Variants in NAV2 observed in about 807,000 individuals in gnomAD.
The protein encoded by NAV2 is helicase, APC down-regulated 1.
NAV2 carries 54 observed loss-of-function variants against 223.2 expected under a neutral mutation model. The ratio of observed to expected loss-of-function variants is 0.24; its 90% CI spans 0.19 to 0.30. The LOEUF (loss-of-function observed/expected upper bound fraction) is 0.30. Among genes scored for constraint, NAV2 ranks in the 10% least tolerant of loss-of-function variants. The probability of loss-of-function intolerance (pLI) is 1.00; values close to 1 mark genes in which losing one functional copy is unlikely to be tolerated. For missense variants in NAV2, 2,806 were observed against 3,147.5 expected, an observed-to-expected ratio of 0.89 and a Z score of 2.60; for synonymous variants, 1,279 against 1,239.3, an observed-to-expected ratio of 1.03 and a Z score of -0.67.
intron 1 of NAV2, among the ~76,000 whole-genome samples, chr11:19,417,224 T>C (rs1295746278): frequency 2.0e-5 from 3 of 152,152 alleles, no homozygotes; most frequent in Non-Finnish European, 4.4e-5. Flanking sequence ...GTCCAGAATC[T>C]ATAAGGAACT....
intron 10 of NAV2, among the ~76,000 whole-genome samples, chr11:19,967,117 T>A (rs1027218866): frequency 1.3e-5 from 2 of 152,164 alleles, no homozygotes; most frequent in Admixed American, 1.3e-4. Context: ...AAACTGAGGA[T>A]GACAGAAGTC....
intron 1 of NAV2, among the ~76,000 whole-genome samples, chr11:19,536,342 C>T (rs2134477374): frequency 6.6e-6 from 1 of 152,302 alleles, no homozygotes; most frequent in South Asian, 2.1e-4. Flanking sequence ...TGGATTAGGA[C>T]TGAAGTGTCC....
chr11:19,741,666 G>A (rs929211227), intron 1 of NAV2, among the ~76,000 whole-genome samples: 1 of 142,628 alleles, frequency 7.0e-6, no homozygotes, highest in African/African-American at 2.7e-5. Context: ...CATTGTGTAT[G>A]TATGTATCAT....
chr11:19,455,564 G>A (rs138144504), intron 1 of NAV2, among the ~76,000 whole-genome samples: 13 of 152,096 alleles, frequency 8.5e-5, no homozygotes, highest in African/African-American at 3.1e-4. Flanking sequence ...GGCACTTAGG[G>A]CCTCAGTGAA....
At chr11:19,354,460 A>G (rs1853500551) in intron 1 of NAV2, among the ~76,000 whole-genome samples, 1 of 152,290 alleles carries the variant, frequency 6.6e-6, no homozygotes, top group Admixed American at 6.5e-5. Context: ...TGAAGAGCCA[A>G]CAACAGGCAA....
chr11:19,348,541 A>G (rs542011116), upstream of NAV2, among the ~76,000 whole-genome samples: 2 of 152,326 alleles, frequency 1.3e-5, no homozygotes, highest in South Asian at 2.1e-4. Context: ...TCTTATCTTC[A>G]GTTGTCTCAT....
chr11:19,943,692 T>C (rs1024038440), intron 8 of NAV2, among the ~76,000 whole-genome samples: 2 of 152,190 alleles, frequency 1.3e-5, no homozygotes, highest in Non-Finnish European at 2.9e-5. Context: ...TGATGTCTAA[T>C]GTAAATTCTG....
intron 1 of NAV2, among the ~76,000 whole-genome samples, chr11:19,473,547 C>T (rs1462531142): frequency 1.3e-5 from 2 of 152,152 alleles, no homozygotes; most frequent in Non-Finnish European, 2.9e-5. Context: ...GGATCACACC[C>T]CTTCCCTTTA....
chr11:19,678,610 G>A (rs1055258555), intron 1 of NAV2, among the ~76,000 whole-genome samples: 9 of 152,216 alleles, frequency 5.9e-5, no homozygotes, highest in East Asian at 3.8e-4. Flanking sequence ...TGAGGAGCCC[G>A]CAGATGGGAA....
At chr11:19,474,196 C>T (rs1041241694) in intron 1 of NAV2, among the ~76,000 whole-genome samples, 4 of 152,228 alleles carry the variant, frequency 2.6e-5, no homozygotes, top group Non-Finnish European at 5.9e-5. Context: ...AGCCATCCCA[C>T]TTCTCATGTC....
At chr11:19,589,334 TG>T (rs2045988926) in intron 1 of NAV2, among the ~76,000 whole-genome samples, 1 of 152,050 alleles carries the variant, frequency 6.6e-6, no homozygotes, top group African/African-American at 2.4e-5. Flanking sequence ...AAAGGAAAAA[TG>T]GGACCACCTG....
chr11:19,618,017 C>T (rs10766575), intron 1 of NAV2, among the ~76,000 whole-genome samples: 110,883 of 152,208 alleles, frequency 0.73, 48,282 homozygotes, highest in Non-Finnish European at 0.96. Flanking sequence ...CATTACTTTA[C>T]GCTATTTTTC....
At chr11:19,886,330 C>A (rs931337384) in intron 5 of NAV2, among the ~76,000 whole-genome samples, 1 of 152,194 alleles carries the variant, frequency 6.6e-6, no homozygotes, top group Non-Finnish European at 1.5e-5. Flanking sequence ...CCAGGTCAGG[C>A]TCTGCCTGGC....
chr11:19,436,215 G>A (rs2133646344), intron 1 of NAV2, among the ~76,000 whole-genome samples: 1 of 152,170 alleles, frequency 6.6e-6, no homozygotes, highest in Middle Eastern at 3.4e-3. Flanking sequence ...ATATTTAAGT[G>A]TTTAAGTCTT....
intron 1 of NAV2, among the ~76,000 whole-genome samples, chr11:19,421,167 C>T (rs577759611): frequency 1.7e-3 from 253 of 152,318 alleles, no homozygotes; most frequent in African/African-American, 5.8e-3. Context: ...TTCACCTGCC[C>T]CAAGCCCTCC....
intron 1 of NAV2, among the ~76,000 whole-genome samples, chr11:19,517,845 G>A (rs1323264690): frequency 6.6e-6 from 1 of 152,246 alleles, no homozygotes; most frequent in African/African-American, 2.4e-5. Context: ...TAGAGACATG[G>A]CTGCAAAACC....
chr11:19,367,196 G>A (rs528775211), intron 1 of NAV2, among the ~76,000 whole-genome samples: 42 of 152,258 alleles, frequency 2.8e-4, no homozygotes, highest in Non-Finnish European at 3.5e-4. Context: ...AAGAACAACC[G>A]TCACAGTGAT....
chr11:19,755,784 G>A (rs2054183845), intron 1 of NAV2, among the ~76,000 whole-genome samples: 5 of 152,184 alleles, frequency 3.3e-5, no homozygotes. Flanking sequence ...TCTCAGTAGG[G>A]AAGGCACCAG....
chr11:20,106,672 T>G (rs2062146203), intron 35 of NAV2, among the ~76,000 whole-genome samples: 1 of 151,204 alleles, frequency 6.6e-6, no homozygotes, highest in Non-Finnish European at 1.5e-5. Context: ...GACAGAGTTT[T>G]GCTCTTGTTG....
Sources: allele counts gnomAD v4.1 joint callset (sites outside exome capture counted in the v4.1 genomes callset), GRCh38; gene constraint gnomAD v4.1.1; transcripts MANE v1.5; gene names NCBI Gene and HGNC (gene_info 2026-07-23, HGNC 2026-07-21).